HCN1: variants seen among roughly 807,000 people sequenced by gnomAD.
HCN1 encodes the protein potassium/sodium hyperpolarization-activated cyclic nucleotide-gated channel 1.
A neutral mutation model predicts 78.9 loss-of-function variants in HCN1; 13 were observed. The ratio of observed to expected loss-of-function variants is 0.16; its 90% confidence interval spans 0.11 to 0.26. The LOEUF (loss-of-function observed/expected upper bound fraction) is 0.26, where lower values mean the gene tolerates loss of function less well. Among genes scored for constraint, HCN1 ranks in the 10% least tolerant of loss-of-function variants. The pLI is 1.00. For missense variants in HCN1, 810 were observed against 1,154.3 expected (o/e 0.70, Z 4.32); for synonymous variants, 552 against 455.5 (o/e 1.21, Z -2.70).
At chr5:45,270,861 T>A (rs2111852334) in intron 6 of HCN1, among the ~76,000 whole-genome samples, 1 of 152,286 alleles carries the variant, frequency 6.6e-6, no homozygotes, top group South Asian at 2.1e-4. Flanking sequence ...TAAAAACAGA[T>A]TTACTGGAGC....
At chr5:45,557,848 C>G (rs1468941204) in intron 2 of HCN1, 1 of 152,056 alleles carries the variant, frequency 6.6e-6, no homozygotes, top group African/African-American at 2.4e-5. Context: ...TTTCATTTCT[C>G]TCCCTCTGAT....
Position 45,389,937 on chromosome 5 carries a change from C to A in HCN1, c.1230+6555G>T, listed in dbSNP as rs115631831. Among the ~76,000 whole-genome samples, 333 of 152,288 alleles carry A rather than the reference C, an allele frequency of 2.2e-3. 2 individuals carry two copies. Among genetic ancestry groups the A allele is most frequent in the African/African-American group, 7.8e-3 (324 of 41,556 alleles). ...GGATATCCCTTTAATAATGTACAATCTCATCATTCCAGAATTCAAAACTAT... is the reference window on the plus strand; with the variant it reads ...GGATATCCCTTTAATAATGTACAATATCATCATTCCAGAATTCAAAACTAT... On this transcript the variant is annotated intron_variant, in intron 4 of 7. Coordinates refer to ENST00000303230, the MANE Select transcript of HCN1 (RefSeq NM_021072.4).
Position 45,293,546 on chromosome 5 carries a change from C to T in HCN1, c.1618+10053G>A, listed in dbSNP as rs1377017412. On this transcript the variant is annotated intron_variant, in intron 6 of 7. Transcript: ENST00000303230. ...CTCTTTAAATGTGGTCCTTTGTGAA[C>T]TAGCACAGGAATATAGGAGGACCCA... 3.3e-5 allele frequency among the ~76,000 whole-genome samples: 5 copies of T among 151,988 alleles called. No individual in the cohort carries two copies. The South Asian group carries it at 6.2e-4, about 19-fold the overall frequency.
intron 2 of HCN1, among the ~76,000 whole-genome samples, chr5:45,488,227 T>G (rs973810323): frequency 6.6e-6 from 1 of 152,014 alleles, no homozygotes; most frequent in Non-Finnish European, 1.5e-5. Flanking sequence ...CTTCTTTTAA[T>G]TTTTTACATA....
intron 6 of HCN1, among the ~76,000 whole-genome samples, chr5:45,276,004 T>C (rs2111860245): frequency 6.6e-6 from 1 of 152,250 alleles, no homozygotes; most frequent in Admixed American, 6.5e-5. Context: ...TTTTGGCTCT[T>C]AGGTACCTCC....
chr5:45,350,852 A>G (rs1447678511), intron 5 of HCN1, among the ~76,000 whole-genome samples: 1 of 152,178 alleles, frequency 6.6e-6, no homozygotes, highest in African/African-American at 2.4e-5. Flanking sequence ...AGAACTACAA[A>G]CCACTGCTCA....
intron 3 of HCN1, among the ~76,000 whole-genome samples, chr5:45,460,117 C>T (rs1741115426): frequency 6.6e-6 from 1 of 152,118 alleles, no homozygotes; most frequent in Admixed American, 6.6e-5. Context: ...TAGGCACTTT[C>T]TATGGTCTGA....
intron 2 of HCN1, among the ~76,000 whole-genome samples, chr5:45,471,423 A>T (rs1387290857): frequency 6.6e-6 from 1 of 151,916 alleles, no homozygotes; most frequent in Non-Finnish European, 1.5e-5. Flanking sequence ...CAGTTGTAGC[A>T]TATCTCCGAA....
intron 6 of HCN1, among the ~76,000 whole-genome samples, chr5:45,295,797 G>T (rs865809223): frequency 6.6e-6 from 1 of 151,874 alleles, no homozygotes; most frequent in African/African-American, 2.4e-5. Flanking sequence ...CTATGAACTT[G>T]TCATGCTCAA....
chr5:45,659,417 G>C (rs1279503719), intron 1 of HCN1, among the ~76,000 whole-genome samples: 1 of 107,564 alleles, frequency 9.3e-6, no homozygotes, highest in South Asian at 3.3e-4. Flanking sequence ...CCAAAGGAAC[G>C]CAGTTCCTCA....
chr5:45,613,325 G>T (rs1744880088), intron 2 of HCN1, among the ~76,000 whole-genome samples: 1 of 151,888 alleles, frequency 6.6e-6, no homozygotes, highest in African/African-American at 2.4e-5. Context: ...CCCTACAAAG[G>T]ACATGAACTC....
intron 4 of HCN1, among the ~76,000 whole-genome samples, chr5:45,373,341 T>C (rs1207885462): frequency 2.5e-5 from 3 of 117,924 alleles, no homozygotes; most frequent in African/African-American, 1.0e-4. Flanking sequence ...ATATTTAATA[T>C]ATAAAATATA....
intron 3 of HCN1, among the ~76,000 whole-genome samples, chr5:45,435,737 A>C (rs1009079510): frequency 5.3e-5 from 8 of 152,316 alleles, no homozygotes; most frequent in African/African-American, 1.9e-4. Context: ...CAAAATTCTC[A>C]ATGACATTTT....
At position 45,489,393 on chromosome 5, in the gene HCN1, A is replaced by C. The variant is rs141466196; in HGVS notation, c.850-27386T>G. Among the ~76,000 whole-genome samples, 51 of 152,282 alleles carry C rather than the reference A, an allele frequency of 3.3e-4. 1 individual carries two copies. The East Asian group carries it at 7.7e-3, about 23-fold the overall frequency. On this transcript the variant is annotated intron_variant, in intron 2 of 7. Transcript: ENST00000303230. Reference sequence around the variant, plus strand: ...ACCAATAGTGGGGAATCCCTGAAGCAATTTAACAATAAAATAAAAATGTAT... The same window carrying C: ...ACCAATAGTGGGGAATCCCTGAAGCCATTTAACAATAAAATAAAAATGTAT...
intron 1 of HCN1, among the ~76,000 whole-genome samples, chr5:45,674,364 T>C (rs1270730251): frequency 6.6e-6 from 1 of 151,554 alleles, no homozygotes; most frequent in Non-Finnish European, 1.5e-5. Flanking sequence ...AAAAGGATAA[T>C]GAATAAAAAG....
At chr5:45,695,573 C>T in intron 1 of HCN1, 96 bp downstream of exon 1, 1 of 1,243,690 alleles carries the variant, frequency 8.0e-7, no homozygotes, top group South Asian at 1.3e-5. Context: ...CCCCGCCCGC[C>T]CTCCTAGTCC....
At chr5:45,687,698 CAT>C (rs1739835707) in intron 1 of HCN1, among the ~76,000 whole-genome samples, 2 of 152,140 alleles carry the variant, frequency 1.3e-5, no homozygotes, top group South Asian at 4.1e-4. Flanking sequence ...AGTCTTCCCT[CAT>C]GAGACTTTTC....
At chr5:45,331,162 G>T (rs1216817449) in intron 5 of HCN1, among the ~76,000 whole-genome samples, 1 of 151,170 alleles carries the variant, frequency 6.6e-6, no homozygotes, top group Non-Finnish European at 1.5e-5. Flanking sequence ...ATCAGGTAAA[G>T]TGTAGAATTC....
At chr5:45,545,678 T>A (rs1458250514) in intron 2 of HCN1, among the ~76,000 whole-genome samples, 1 of 152,190 alleles carries the variant, frequency 6.6e-6, no homozygotes, top group Non-Finnish European at 1.5e-5. Context: ...CTAGCCAGTT[T>A]TCCCAGCACC....
Sources: gnomAD v4.1 joint callset for allele counts (sites outside exome capture counted in the v4.1 genomes callset) on GRCh38, gnomAD v4.1.1 for gene constraint, MANE v1.5 for transcripts, NCBI Gene and HGNC (gene_info 2026-07-23, HGNC 2026-07-21) for gene names.